The following ANK2 variants were observed in gnomAD, a reference collection of about 807,000 sequenced individuals.
The protein encoded by ANK2 is ankyrin 2, also known as ankyrin-2.
Under a neutral mutation model 360.5 loss-of-function variants are expected in ANK2, and 83 were observed. The ratio of observed to expected loss-of-function variants is 0.23; its 90% CI spans 0.19 to 0.28. The LOEUF is 0.28. Ranked by LOEUF, ANK2 falls within the 10% of genes least tolerant of loss-of-function variation. ANK2 has a pLI of 1.00. For synonymous variants in ANK2, 1,740 were observed against 1,759.5 expected, an observed-to-expected ratio of 0.99 and a Z score of 0.28; for missense variants, 4,201 against 4,795.7, an observed-to-expected ratio of 0.88 and a Z score of 3.66.
the ANK2 span, among the ~76,000 whole-genome samples, chr4:112,801,135 A>G: frequency 0.62 from 94,780 of 152,010 alleles, 31,324 homozygotes; most frequent in East Asian, 0.93. Context: ...GCATACATTG[A>G]CAACTGAATC....
At chr4:112,864,839 T>C (rs1426525694) in intron 1 of ANK2, among the ~76,000 whole-genome samples, 5 of 150,698 alleles carry the variant, frequency 3.3e-5, no homozygotes, top group South Asian at 2.1e-4. Flanking sequence ...GAGACCATCC[T>C]GGCTAACACG....
intron 9 of ANK2, among the ~76,000 whole-genome samples, chr4:113,244,192 T>C (rs1156651437): frequency 1.3e-5 from 2 of 152,198 alleles, no homozygotes; most frequent in African/African-American, 4.8e-5. Context: ...AAAATAGGTT[T>C]TCTAACTGTA....
At chr4:112,740,103 A>T in the ANK2 span, among the ~76,000 whole-genome samples, 1 of 152,052 alleles carries the variant, frequency 6.6e-6, no homozygotes, top group Admixed American at 6.6e-5. Flanking sequence ...GGTCTTTCTA[A>T]ATGTGGTTAG....
chr4:112,935,532 GAC>G (rs1335583725), intron 2 of ANK2, among the ~76,000 whole-genome samples: 1 of 152,086 alleles, frequency 6.6e-6, no homozygotes, highest in Non-Finnish European at 1.5e-5. Context: ...CAATGACAAT[GAC>G]AAATCCCCTT....
At chr4:112,890,556 GTTTTTTTT>G (rs754680934) in intron 1 of ANK2, among the ~76,000 whole-genome samples, 3 of 67,456 alleles carry the variant, frequency 4.4e-5, no homozygotes, top group African/African-American at 2.2e-4. Context: ...CATTTCTGTG[GTTTTTTTT>G]TTTTTTTTTT....
chr4:112,874,080 CTTT>C (rs544871774), intron 1 of ANK2, among the ~76,000 whole-genome samples: 159 of 122,086 alleles, frequency 1.3e-3, no homozygotes, highest in African/African-American at 4.4e-3. Context: ...TTGGGGTTCT[CTTT>C]TTTTTTTTTT....
chr4:113,331,344 TG>T (rs1176979883), intron 27 of ANK2, among the ~76,000 whole-genome samples: 1 of 152,240 alleles, frequency 6.6e-6, no homozygotes, highest in Non-Finnish European at 1.5e-5. Context: ...TCTAAAGCTT[TG>T]TAATTTGGAC....
chr4:112,987,836 G>T (rs901396916), intron 2 of ANK2, among the ~76,000 whole-genome samples: 3 of 151,848 alleles, frequency 2.0e-5, no homozygotes, highest in African/African-American at 7.2e-5. Flanking sequence ...TATGTCTATT[G>T]CCTAAAGTTT....
intron 41 of ANK2, among the ~76,000 whole-genome samples, chr4:113,366,604 G>A (rs1166577543): frequency 6.6e-6 from 1 of 151,396 alleles, no homozygotes; most frequent in African/African-American, 2.4e-5. Flanking sequence ...CCTGTTTCAG[G>A]GCCCTGGTAT....
intron 2 of ANK2, among the ~76,000 whole-genome samples, chr4:113,026,151 A>G (rs1226276335): frequency 2.0e-5 from 3 of 152,194 alleles, no homozygotes; most frequent in Admixed American, 1.3e-4. Context: ...GGGACCTGCT[A>G]TGTGGAAAGC....
rs147904768 is a variant in ANK2, at chr4:113,229,309, C to T, written c.385-2852C>T. On this transcript the variant is annotated intron_variant, in intron 4 of 45. Coordinates refer to ENST00000357077, the MANE Select transcript of ANK2 (RefSeq NM_001148.6). ...TTTTCTTGCCTTTCTCAGCTTCTAA[C>T]GCTGCATTCTTGGATCACGGCCCCG... 2.3e-4 allele frequency among the ~76,000 whole-genome samples: 35 copies of T among 152,274 alleles called. 1 individual carries two copies. Among genetic ancestry groups the T allele is most frequent in the Admixed American group, 7.2e-4 (11 of 15,292 alleles).
At chr4:113,302,870 C>G in intron 23 of ANK2, 31 bp downstream of exon 23, 1 of 1,565,836 alleles carries the variant, frequency 6.4e-7, no homozygotes, top group Non-Finnish European at 8.8e-7. Context: ...TCTATGACAC[C>G]TGTCATGTTC....
At chr4:112,715,213 G>A in the ANK2 span, among the ~76,000 whole-genome samples, 3 of 148,534 alleles carry the variant, frequency 2.0e-5, no homozygotes, top group Non-Finnish European at 3.0e-5. Context: ...CGGTGATTGG[G>A]TTCCAACAGT....
chr4:113,251,741 C>G (rs941287073), intron 10 of ANK2, among the ~76,000 whole-genome samples: 2 of 151,688 alleles, frequency 1.3e-5, no homozygotes, highest in African/African-American at 4.8e-5. Flanking sequence ...CTCGGCCTCC[C>G]AAAGTGCTGG....
intron 39 of ANK2, among the ~76,000 whole-genome samples, chr4:113,361,169 G>A (rs2096198970): frequency 6.6e-6 from 1 of 151,988 alleles, no homozygotes; most frequent in Non-Finnish European, 1.5e-5. Context: ...TGGCAGTTGT[G>A]GATATCTAAA....
At chr4:113,127,175 G>T (rs2095710500) in intron 1 of ANK2, among the ~76,000 whole-genome samples, 1 of 151,952 alleles carries the variant, frequency 6.6e-6, no homozygotes. Flanking sequence ...AAAAACATTT[G>T]CCATGCTTCA....
intron 4 of ANK2, among the ~76,000 whole-genome samples, chr4:113,226,933 A>G (rs1012725472): frequency 6.6e-6 from 1 of 152,198 alleles, no homozygotes; most frequent in Non-Finnish European, 1.5e-5. Flanking sequence ...GAGAAAATGC[A>G]TCTATTTTCA....
At chr4:113,205,971 TACAC>T (rs899223715) in intron 4 of ANK2, among the ~76,000 whole-genome samples, 45 of 152,248 alleles carry the variant, frequency 3.0e-4, no homozygotes, top group African/African-American at 9.6e-4. Context: ...CACACACACA[TACAC>T]ACACAGTGTA....
chr4:113,253,773 T>C (rs149078814), intron 10 of ANK2, among the ~76,000 whole-genome samples: 9 of 152,276 alleles, frequency 5.9e-5, no homozygotes, highest in Admixed American at 4.6e-4. Context: ...AGGCCCCTAA[T>C]TGACTTCCCT....
Sources: gnomAD v4.1 joint callset for allele counts (sites outside exome capture counted in the v4.1 genomes callset) on GRCh38, gnomAD v4.1.1 for gene constraint, MANE v1.5 for transcripts, NCBI Gene and HGNC (gene_info 2026-07-23, HGNC 2026-07-21) for gene names.